The following TRMT13 variants were observed in gnomAD, a reference collection of about 807,000 sequenced individuals.
The protein encoded by TRMT13 is tRNA methyltransferase 13.
A neutral mutation model predicts 55.9 loss-of-function variants in TRMT13; 45 were observed. The observed-to-expected ratio is 0.80, with a 90% CI of 0.63 to 1.03. The LOEUF (loss-of-function observed/expected upper bound fraction) is 1.03, where lower values mean the gene tolerates loss of function less well. Among genes scored for constraint, TRMT13 ranks in the 50% least tolerant of loss-of-function variants. The pLI is 0.00. For missense variants in TRMT13, 513 were observed against 563.9 expected (o/e 0.91, Z 0.91); for synonymous variants, 183 against 196.3 (o/e 0.93, Z 0.57).
intron 10 of TRMT13, 142 bp downstream of exon 10, chr1:100,148,468 T>C: frequency 9.2e-7 from 1 of 1,086,136 alleles, no homozygotes; most frequent in East Asian, 2.6e-5. Flanking sequence ...ACATCTTTTA[T>C]TGTGGTCATA....
Position 100,148,177 on chromosome 1 carries a change from GAGT to G in TRMT13, c.1105_1107del (p.Ser369del), listed in dbSNP as rs866920871. ...TGGAATTCCATTATTTCCAGCGAAT[GAGT>G]AGTTGGGCAACTTGTGGGATGCGGA... On this transcript the variant is annotated inframe_deletion, in exon 10 of 11. Coordinates refer to ENST00000370141, the MANE Select transcript of TRMT13 (RefSeq NM_019083.3). The G allele has an allele frequency of 6.2e-7, 1 of 1,614,174 alleles. No individual in the cohort carries two copies. Among genetic ancestry groups the G allele is most frequent in the Non-Finnish European group, 8.5e-7 (1 of 1,180,032 alleles).
At chr1:100,148,564 T>C (rs1557917361) in intron 10 of TRMT13, 61 bp from the exon 11 acceptor site, 3 of 1,458,692 alleles carry the variant, frequency 2.1e-6, no homozygotes, top group African/African-American at 1.4e-5. Context: ...GTGACAAAAA[T>C]AATTTTTTAT....
chr1:100,140,156 T>G, intron 4 of TRMT13, 26 bp from the exon 5 acceptor site: 2 of 1,544,964 alleles, frequency 1.3e-6, no homozygotes, highest in Non-Finnish European at 1.8e-6. Context: ...TTTGGCTACA[T>G]TATTTAGTTT....
At position 100,148,738 on chromosome 1, in the gene TRMT13, A is replaced by G; in HGVS notation, c.1364A>G (p.Tyr455Cys). 3.8e-6 allele frequency: 6 copies of G among 1,599,560 alleles called. No homozygotes were observed. Among genetic ancestry groups the G allele is most frequent in the South Asian group, 1.1e-5 (1 of 88,054 alleles). ...QKGFSPALQY[Y>C]TDPLVSLENV... The stretch of plus-strand genomic sequence containing the variant: ...GGATTCAGTCCTGCTTTGCAGTACT[A>G]TACAGACCCTCTGGTGTCTTTGGAA... The change falls in exon 11 of 11, where the codon TAT becomes TGT. Residue 455 changes from tyrosine to cysteine, a missense_variant. Transcript: ENST00000370141.
intron 3 of TRMT13, among the ~76,000 whole-genome samples, chr1:100,137,370 A>AT (rs1227899397): frequency 6.6e-6 from 1 of 151,730 alleles, no homozygotes; most frequent in African/African-American, 2.4e-5. Context: ...TTATTTTTTT[A>AT]TTTTTTTATA....
At chr1:100,137,451 G>GCCTC (rs1656028164) in intron 3 of TRMT13, among the ~76,000 whole-genome samples, 1 of 152,118 alleles carries the variant, frequency 6.6e-6, no homozygotes, top group Non-Finnish European at 1.5e-5. Flanking sequence ...TCCTGCCTCA[G>GCCTC]CCTCCCAAAG....
chr1:100,144,343 T>G (rs1056609806), intron 9 of TRMT13, 200 bp downstream of exon 9: 3 of 488,814 alleles, frequency 6.1e-6, no homozygotes, highest in African/African-American at 5.9e-5. Context: ...CAGGATGAAT[T>G]AAGAGTTTTG....
intron 1 of TRMT13, 80 bp downstream of exon 1, chr1:100,133,395 C>A: frequency 6.8e-7 from 1 of 1,467,402 alleles, no homozygotes; most frequent in African/African-American, 1.4e-5. Context: ...CCCCTCCCCT[C>A]TTTGACAGCT....
At chr1:100,133,434 CTTTCACTTTAATAAACCCAGT>C in intron 1 of TRMT13, 119 bp downstream of exon 1, 1 of 1,252,576 alleles carries the variant, frequency 8.0e-7, no homozygotes, top group South Asian at 1.6e-5. Context: ...GATTCTCCAG[CTTTCACTTTAATAAACCCAGT>C]TTTGCCCTCC....
chr1:100,136,805 C>A, intron 1 of TRMT13, 77 bp from the exon 2 acceptor site: 1 of 1,279,542 alleles, frequency 7.8e-7, no homozygotes, highest in Admixed American at 2.3e-5. Flanking sequence ...ATTACAGAGA[C>A]ACTGAAGTTA....
At chr1:100,137,296 A>G (rs181122065) in intron 3 of TRMT13, among the ~76,000 whole-genome samples, 41 of 152,226 alleles carry the variant, frequency 2.7e-4, no homozygotes, top group African/African-American at 9.9e-4. Context: ...CCTGGACTCA[A>G]GCAATCCTCT....
intron 7 of TRMT13, among the ~76,000 whole-genome samples, chr1:100,142,375 C>T (rs1656740368): frequency 6.6e-6 from 1 of 152,062 alleles, no homozygotes; most frequent in Non-Finnish European, 1.5e-5. Context: ...TAATTTTTGT[C>T]CAACAATCCA....
intron 9 of TRMT13, among the ~76,000 whole-genome samples, chr1:100,145,831 A>G (rs139483019): frequency 2.6e-5 from 4 of 152,324 alleles, no homozygotes; most frequent in African/African-American, 9.6e-5. Context: ...GGATAGCACC[A>G]CTGCACTGCA....
intron 7 of TRMT13, among the ~76,000 whole-genome samples, chr1:100,141,297 T>A (rs1255765105): frequency 1.3e-5 from 2 of 152,162 alleles, no homozygotes; most frequent in African/African-American, 4.8e-5. Context: ...GTTAAAAGTC[T>A]TGGGCTCTAC....
chr1:100,142,831 A>G, intron 7 of TRMT13: 1 of 307,322 alleles, frequency 3.3e-6, no homozygotes, highest in South Asian at 4.4e-5. Flanking sequence ...AGGAGTGACA[A>G]AGATAAAGGA....
intron 1 of TRMT13, among the ~76,000 whole-genome samples, chr1:100,133,534 C>T (rs1247894249): frequency 6.6e-6 from 1 of 152,054 alleles, no homozygotes; most frequent in African/African-American, 2.4e-5. Context: ...CCAGCAGTGA[C>T]CCATTTATTT....
chr1:100,150,328 T>C lies in TRMT13; in HGVS notation c.*1508T>C, dbSNP rs528602880. On this transcript the variant is annotated 3_prime_UTR_variant, in exon 11 of 11. Coordinates refer to ENST00000370141, the MANE Select transcript of TRMT13 (RefSeq NM_019083.3). ...TAAGTTTTATGTCAAGTAAGGTAGT[T>C]TGTTTAAGTTAGTTACCCATGTCCC... 4 of 152,336 alleles carry C rather than the reference T, an allele frequency of 2.6e-5. No homozygotes were observed. The highest frequency in any genetic ancestry group is 9.6e-5 in the African/African-American group (4 of 41,562). 9.4% of individuals were successfully genotyped at this position (152,336 alleles called of 1,614,324 possible).
intron 1 of TRMT13, among the ~76,000 whole-genome samples, 165 bp from the exon 2 acceptor site, chr1:100,136,717 G>C (rs558470507): frequency 1.1e-4 from 16 of 152,270 alleles, no homozygotes; most frequent in African/African-American, 3.9e-4. Flanking sequence ...ACACTGGAGA[G>C]TTTTTGTTAA....
chr1:100,137,189 TCAGGAA>T, intron 3 of TRMT13, 104 bp downstream of exon 3: 1 of 977,970 alleles, frequency 1.0e-6, no homozygotes, highest in Non-Finnish European at 1.5e-6. Context: ...GAACCCAAGC[TCAGGAA>T]ATATAATTTT....
Sources: allele counts gnomAD v4.1 joint callset (sites outside exome capture counted in the v4.1 genomes callset), GRCh38; gene constraint gnomAD v4.1.1; transcripts MANE v1.5; gene names NCBI Gene and HGNC (gene_info 2026-07-23, HGNC 2026-07-21).